Variants in N4BP1 observed in about 807,000 individuals in gnomAD.
N4BP1 encodes NEDD4 binding protein 1, also known as NEDD4-binding protein 1.
N4BP1 carries 21 observed loss-of-function variants against 70.9 expected under a neutral mutation model. The observed-to-expected ratio is 0.30, with a 90% CI of 0.21 to 0.43. The LOEUF (loss-of-function observed/expected upper bound fraction) is 0.43. N4BP1 is among the 20% of genes least tolerant of loss of function. The pLI is 1.00. For synonymous variants in N4BP1, 387 were observed against 394.6 expected, an observed-to-expected ratio of 0.98 and a Z score of 0.23; for missense variants, 936 against 1,069.4, an observed-to-expected ratio of 0.88 and a Z score of 1.74.
intron 1 of N4BP1, among the ~76,000 whole-genome samples, chr16:48,569,873 T>C (rs1735316684): frequency 6.6e-6 from 1 of 152,192 alleles, no homozygotes; most frequent in Non-Finnish European, 1.5e-5. Flanking sequence ...CGTGGCTCAC[T>C]TTCCTGAACT....
chr16:48,553,452 A>G (rs1963704836), intron 3 of N4BP1, 87 bp downstream of exon 3: 8 of 1,316,592 alleles, frequency 6.1e-6, no homozygotes, highest in Non-Finnish European at 7.0e-6. Flanking sequence ...TATGGCACAC[A>G]GCTCTATTCT....
intron 1 of N4BP1, among the ~76,000 whole-genome samples, chr16:48,587,784 A>T (rs544607974): frequency 6.6e-6 from 1 of 152,314 alleles, no homozygotes; most frequent in African/African-American, 2.4e-5. Context: ...TCATGTGTTG[A>T]ACTCATGCTC....
chr16:48,558,731 T>A (rs1357238328), intron 2 of N4BP1, among the ~76,000 whole-genome samples: 1 of 152,196 alleles, frequency 6.6e-6, no homozygotes, highest in East Asian at 1.9e-4. Context: ...AATGAAGAAC[T>A]TGTTCCGGGC....
At chr16:48,552,621 C>A (rs965602541) in intron 3 of N4BP1, among the ~76,000 whole-genome samples, 1 of 142,646 alleles carries the variant, frequency 7.0e-6, no homozygotes, top group African/African-American at 2.7e-5. Flanking sequence ...TCACTTGAAC[C>A]CAGGAGGCAG....
chr16:48,549,608 C>G (rs1963636950), intron 4 of N4BP1, among the ~76,000 whole-genome samples: 1 of 152,216 alleles, frequency 6.6e-6, no homozygotes, highest in African/African-American at 2.4e-5. Flanking sequence ...CCTATCCCCC[C>G]CGGCACCCAC....
At chr16:48,586,136 G>GT (rs1219048567) in intron 1 of N4BP1, among the ~76,000 whole-genome samples, 2 of 152,156 alleles carry the variant, frequency 1.3e-5, no homozygotes, top group Non-Finnish European at 2.9e-5. Context: ...TAATTTCCAA[G>GT]TAAGACAGAC....
chr16:48,549,674 G>C (rs1490373076), intron 4 of N4BP1, among the ~76,000 whole-genome samples: 1 of 152,154 alleles, frequency 6.6e-6, no homozygotes, highest in African/African-American at 2.4e-5. Context: ...CATCAGATCT[G>C]GTCTTGCATA....
intron 1 of N4BP1, among the ~76,000 whole-genome samples, chr16:48,598,566 C>T (rs1033861831): frequency 6.6e-6 from 1 of 152,072 alleles, no homozygotes; most frequent in Non-Finnish European, 1.5e-5. Flanking sequence ...TAATACAACA[C>T]CACTGAAAAA....
rs1181620640 is a variant in N4BP1 at position 48,539,054 on chromosome 16, C to G, written c.*3850G>C. 6.6e-6 allele frequency: 1 copy of G among 152,218 alleles called. No homozygotes were observed. The highest frequency in any genetic ancestry group is 1.5e-5 in the Non-Finnish European group (1 of 68,102). 9.4% of individuals were successfully genotyped at this position (152,218 alleles called of 1,614,324 possible). The stretch of plus-strand genomic sequence containing the variant: ...AGCGGAGAGAGGTCCATCTGCAGAG[C>G]CCACAGGTCATGGGAAACATGTGGC... On this transcript the variant is annotated 3_prime_UTR_variant, in exon 7 of 7. Transcript: ENST00000262384.
At position 48,561,631 on chromosome 16, in the gene N4BP1, T is replaced by C. The variant is rs1470313633; in HGVS notation, c.1012A>G (p.Ile338Val). The change falls in exon 2 of 7, where the codon ATA (isoleucine) becomes GTA (valine). Residue 338 changes from isoleucine to valine, a missense_variant. Transcript: ENST00000262384. ...SADSENLSPD[I>V]KETTEEMEYN... ...TCCATTTCCTCAGTAGTTTCTTTTA[T>C]ATCTGGACTTAAATTTTCAGAATCA... 2 of 1,613,430 alleles carry C rather than the reference T, an allele frequency of 1.2e-6. No homozygotes were observed. Among genetic ancestry groups the C allele is most frequent in the Non-Finnish European group, 1.7e-6 (2 of 1,179,798 alleles).
chr16:48,567,971 AG>A (rs1963966826), intron 1 of N4BP1, among the ~76,000 whole-genome samples: 2 of 152,112 alleles, frequency 1.3e-5, no homozygotes, highest in African/African-American at 4.8e-5. Flanking sequence ...AATCAACCTA[AG>A]GCCAGGTACC....
In N4BP1 at chr16:48,542,780, T is replaced by C. The variant is rs1963523351; in HGVS notation, c.*124A>G. ...ATTTATACCCAAAACATTTTTTTTC[T>C]GTACAACTGCGTTTACACTGGGAAA... On this transcript the variant is annotated 3_prime_UTR_variant, in exon 7 of 7. Transcript: ENST00000262384. The C allele has an allele frequency of 2.3e-6, 2 of 871,624 alleles. No homozygotes were observed. Among genetic ancestry groups the C allele is most frequent in the African/African-American group, 1.7e-5 (1 of 58,626 alleles). 54.0% of individuals were successfully genotyped at this position (871,624 alleles called of 1,614,324 possible).
intron 2 of N4BP1, among the ~76,000 whole-genome samples, chr16:48,558,273 T>TC (rs1219662378): frequency 9.3e-6 from 1 of 107,820 alleles, no homozygotes; most frequent in Non-Finnish European, 2.0e-5. Flanking sequence ...ATGTAAATCC[T>TC]CCCAAAACAA....
intron 1 of N4BP1, among the ~76,000 whole-genome samples, chr16:48,595,238 G>A (rs1964392844): frequency 6.6e-6 from 1 of 151,978 alleles, no homozygotes; most frequent in Non-Finnish European, 1.5e-5. Context: ...GAGGCGGGTG[G>A]ATCATTTGAG....
intron 1 of N4BP1, among the ~76,000 whole-genome samples, chr16:48,564,596 T>C (rs1963912015): frequency 6.6e-6 from 1 of 152,158 alleles, no homozygotes; most frequent in Non-Finnish European, 1.5e-5. Flanking sequence ...TGGGTAATGA[T>C]TTGCTCCCTC....
At chr16:48,593,523 T>C (rs974096568) in intron 1 of N4BP1, among the ~76,000 whole-genome samples, 3 of 152,218 alleles carry the variant, frequency 2.0e-5, no homozygotes, top group Non-Finnish European at 2.9e-5. Context: ...TGCAAACATA[T>C]TGGCTAAAGT....
intron 5 of N4BP1, 31 bp from the exon 6 acceptor site, chr16:48,546,285 A>C: frequency 6.7e-7 from 1 of 1,501,902 alleles, no homozygotes; most frequent in Non-Finnish European, 9.1e-7. Flanking sequence ...AGGCTGAGAG[A>C]CAGGGTCCTC....
intron 1 of N4BP1, among the ~76,000 whole-genome samples, chr16:48,578,811 A>G (rs1434752438): frequency 5.9e-5 from 9 of 152,218 alleles, no homozygotes; most frequent in Non-Finnish European, 1.0e-4. Context: ...CTAATCCAAA[A>G]GTACCTTCTA....
chr16:48,587,303 T>G (rs1275908553), intron 1 of N4BP1: 3 of 152,192 alleles, frequency 2.0e-5, no homozygotes, highest in Non-Finnish European at 1.5e-5. Flanking sequence ...CACCAAAGGA[T>G]TCAGTCGAGA....
Sources: allele counts gnomAD v4.1 joint callset (sites outside exome capture counted in the v4.1 genomes callset), GRCh38; gene constraint gnomAD v4.1.1; transcripts MANE v1.5; gene names NCBI Gene and HGNC (gene_info 2026-07-23, HGNC 2026-07-21).